BANK1: variants seen among roughly 807,000 people sequenced by gnomAD.
The protein encoded by BANK1 is B-cell scaffold protein with ankyrin repeats.
A neutral mutation model predicts 94.5 loss-of-function variants in BANK1; 95 were observed. The observed-to-expected ratio is 1.00, with a 90% confidence interval of 0.85 to 1.19. The LOEUF is 1.19. Ranked by LOEUF, BANK1 falls within the 50% of genes most tolerant of loss-of-function variation. The probability of loss-of-function intolerance (pLI) is 0.00; values close to 1 mark genes in which losing one functional copy is unlikely to be tolerated. For synonymous variants in BANK1, 334 were observed against 308.4 expected, an observed-to-expected ratio of 1.08 and a Z score of -0.87; for missense variants, 987 against 932.2, an observed-to-expected ratio of 1.06 and a Z score of -0.77.
At chr4:101,967,761 C>T (rs974233727) in intron 7 of BANK1, among the ~76,000 whole-genome samples, 2 of 151,528 alleles carry the variant, frequency 1.3e-5, no homozygotes, top group African/African-American at 4.9e-5. Context: ...CAAGAAAGGA[C>T]CAATCTGAAG....
intron 7 of BANK1, among the ~76,000 whole-genome samples, chr4:101,985,960 G>A (rs1169716986): frequency 6.6e-6 from 1 of 152,086 alleles, no homozygotes; most frequent in African/African-American, 2.4e-5. Flanking sequence ...AAAGAGAACT[G>A]CATTCCGAAA....
At position 101,869,054 on chromosome 4, in the gene BANK1, A is replaced by T. The variant is rs1728181923; in HGVS notation, c.764-1451A>T. On this transcript the variant is annotated intron_variant, in intron 4 of 16. Transcript: ENST00000322953. ...CAGTTCAGTTTCATGTTAGATTAAAAATATATAGAATATTTATCTACTCTG... is the reference window on the plus strand; with the variant it reads ...CAGTTCAGTTTCATGTTAGATTAAATATATATAGAATATTTATCTACTCTG... 3.3e-5 allele frequency among the ~76,000 whole-genome samples: 5 copies of T among 151,876 alleles called. No homozygotes were observed. In the South Asian group the frequency reaches 1.0e-3, roughly 31 times the overall value.
At chr4:101,829,609 A>T (rs1726522443) in intron 1 of BANK1, among the ~76,000 whole-genome samples, 199 bp from the exon 2 acceptor site, 1 of 151,730 alleles carries the variant, frequency 6.6e-6, no homozygotes, top group Non-Finnish European at 1.5e-5. Flanking sequence ...ATTCTTTTTA[A>T]AATTTAAATC....
intron 7 of BANK1, among the ~76,000 whole-genome samples, chr4:101,991,064 T>A (rs781517530): frequency 1.3e-4 from 20 of 152,186 alleles, no homozygotes; most frequent in Admixed American, 3.9e-4. Context: ...TTACAATCAT[T>A]AGTTAAAAAG....
chr4:101,920,345 A>G (rs900797135), intron 7 of BANK1, among the ~76,000 whole-genome samples: 1 of 152,020 alleles, frequency 6.6e-6, no homozygotes. Flanking sequence ...TGTTGTGCAC[A>G]TGTACCCTAG....
intron 7 of BANK1, among the ~76,000 whole-genome samples, chr4:101,934,773 A>G (rs1214530685): frequency 6.6e-6 from 1 of 151,552 alleles, no homozygotes; most frequent in Non-Finnish European, 1.5e-5. Flanking sequence ...GACTGCGCTG[A>G]TATTCTAATG....
chr4:102,073,732 A>G lies in BANK1; in HGVS notation c.2347A>G (p.Lys783Glu), dbSNP rs777842490. Residue 783 changes from lysine (K) to glutamate (E), a missense_variant, in exon 16 of 17, where the codon AAA becomes GAA. By Grantham distance (56) the Lys-to-Glu change is moderately conservative. Transcript: ENST00000322953. ...VEKEFGFCCK[K>E]DH ...AAAGGAATTTGGTTTCTGTTGCAAGAAAGATCATTAAAGAAGGTAAAATAT... is the reference window on the plus strand; with the variant it reads ...AAAGGAATTTGGTTTCTGTTGCAAGGAAGATCATTAAAGAAGGTAAAATAT... The G allele has an allele frequency of 3.1e-6, 5 of 1,610,080 alleles. No homozygotes were observed. The Admixed American group carries it at 5.0e-5, about 16-fold the overall frequency.
intron 7 of BANK1, among the ~76,000 whole-genome samples, chr4:101,983,017 T>C (rs1413826654): frequency 6.6e-6 from 1 of 152,026 alleles, no homozygotes; most frequent in African/African-American, 2.4e-5. Context: ...TTTATTTTAC[T>C]TTATTTTTAT....
At chr4:101,831,397 G>T (rs1726614469) in intron 2 of BANK1, among the ~76,000 whole-genome samples, 1 of 152,166 alleles carries the variant, frequency 6.6e-6, no homozygotes, top group Admixed American at 6.6e-5. Flanking sequence ...CTTCCCTGGT[G>T]GAAAACAACT....
chr4:101,920,896 C>A (rs976275887), intron 7 of BANK1, among the ~76,000 whole-genome samples: 1 of 151,310 alleles, frequency 6.6e-6, no homozygotes, highest in South Asian at 2.1e-4. Flanking sequence ...CCAAGTGGCA[C>A]CATGTCTTAT....
chr4:101,856,170 AG>A (rs1290261855), intron 3 of BANK1, among the ~76,000 whole-genome samples: 2 of 152,234 alleles, frequency 1.3e-5, no homozygotes, highest in African/African-American at 4.8e-5. Context: ...TATCCTGTGT[AG>A]AAGGGTATAG....
chr4:101,993,662 C>T (rs1001972638), intron 7 of BANK1, among the ~76,000 whole-genome samples: 3 of 152,146 alleles, frequency 2.0e-5, no homozygotes, highest in Non-Finnish European at 4.4e-5. Flanking sequence ...CACTGATAAT[C>T]TAATAGAGAG....
chr4:102,027,508 C>T (rs535192676), intron 9 of BANK1, among the ~76,000 whole-genome samples: 157 of 152,068 alleles, frequency 1.0e-3, no homozygotes, highest in Non-Finnish European at 1.8e-3. Flanking sequence ...AATAAAATGC[C>T]GGTATTTTTT....
At chr4:101,889,916 T>C (rs1721787972) in intron 5 of BANK1, among the ~76,000 whole-genome samples, 1 of 152,202 alleles carries the variant, frequency 6.6e-6, no homozygotes, top group Non-Finnish European at 1.5e-5. Context: ...AGTTTCCTTT[T>C]GACCCACAGA....
intron 5 of BANK1, among the ~76,000 whole-genome samples, chr4:101,886,982 C>T (rs1728882942): frequency 6.6e-6 from 1 of 152,108 alleles, no homozygotes; most frequent in Admixed American, 6.5e-5. Flanking sequence ...GCATTTCCTC[C>T]CTTGAAGCTA....
intron 7 of BANK1, among the ~76,000 whole-genome samples, chr4:101,966,370 A>G (rs1339818957): frequency 6.6e-6 from 1 of 152,042 alleles, no homozygotes. Flanking sequence ...TTTGTTATCT[A>G]TGAAAATAAT....
chr4:102,031,314 G>A (rs1578467816), intron 10 of BANK1, among the ~76,000 whole-genome samples: 1 of 152,216 alleles, frequency 6.6e-6, no homozygotes. Context: ...ATTTGTTTAA[G>A]TTCTTTGTAG....
intron 5 of BANK1, among the ~76,000 whole-genome samples, chr4:101,892,840 C>T (rs1316536230): frequency 6.6e-6 from 1 of 151,834 alleles, no homozygotes; most frequent in Non-Finnish European, 1.5e-5. Flanking sequence ...AGAAAGGATA[C>T]ATATTGTGTC....
intron 7 of BANK1, among the ~76,000 whole-genome samples, chr4:102,003,872 T>C (rs917143045): frequency 6.6e-6 from 1 of 151,558 alleles, no homozygotes; most frequent in Admixed American, 6.6e-5. Context: ...ATATATTTCA[T>C]GTTCATATAT....
Sources: allele counts gnomAD v4.1 joint callset (sites outside exome capture counted in the v4.1 genomes callset), GRCh38; gene constraint gnomAD v4.1.1; transcripts MANE v1.5; gene names NCBI Gene and HGNC (gene_info 2026-07-23, HGNC 2026-07-21).